The following MAPK14 variants were observed in gnomAD, a reference collection of about 807,000 sequenced individuals.
MAPK14 encodes the protein mitogen-activated protein kinase 14, also known as CSAID-binding protein.
In MAPK14, 16 loss-of-function variants were observed where a neutral mutation model predicts 49.6. The ratio of observed to expected loss-of-function variants is 0.32; its 90% confidence interval spans 0.22 to 0.49. MAPK14 has a LOEUF of 0.49. MAPK14 is among the 20% of genes least tolerant of loss of function. The pLI is 0.99. For synonymous variants in MAPK14, 142 were observed against 158.0 expected, an observed-to-expected ratio of 0.90 and a Z score of 0.76; for missense variants, 200 against 441.2, an observed-to-expected ratio of 0.45 and a Z score of 4.90.
At chr6:36,071,528 G>C (rs1764273214) in intron 3 of MAPK14, among the ~76,000 whole-genome samples, 1 of 152,150 alleles carries the variant, frequency 6.6e-6, no homozygotes, top group African/African-American at 2.4e-5. Flanking sequence ...CCTGTGAGGA[G>C]AAATTCTGGA....
chr6:36,054,687 C>T (rs1763527588), intron 2 of MAPK14, among the ~76,000 whole-genome samples: 1 of 152,178 alleles, frequency 6.6e-6, no homozygotes, highest in Admixed American at 6.5e-5. Context: ...ATTTTGAAAA[C>T]ATTTGTTAGG....
intron 8 of MAPK14, among the ~76,000 whole-genome samples, chr6:36,079,928 T>C (rs963922523): frequency 2.6e-5 from 4 of 152,054 alleles, no homozygotes; most frequent in African/African-American, 9.7e-5. Flanking sequence ...TAAATGTATT[T>C]AACATAAAAT....
chr6:36,117,195 A>G, the MAPK14 span, among the ~76,000 whole-genome samples: 13 of 152,252 alleles, frequency 8.5e-5, no homozygotes, highest in Middle Eastern at 6.8e-3. Flanking sequence ...TCTGGGATAG[A>G]AATGCACCTC....
At chr6:36,061,120 G>T (rs1057136774) in intron 3 of MAPK14, among the ~76,000 whole-genome samples, 2 of 152,198 alleles carry the variant, frequency 1.3e-5, no homozygotes, top group African/African-American at 4.8e-5. Context: ...TTTCCTAAAT[G>T]TAGAAGAAAT....
chr6:36,034,446 T>C (rs1762658943), intron 1 of MAPK14, among the ~76,000 whole-genome samples: 1 of 152,162 alleles, frequency 6.6e-6, no homozygotes, highest in Non-Finnish European at 1.5e-5. Context: ...CCTTTGAAAA[T>C]ACATTAGATT....
chr6:36,049,600 T>C (rs1234146136), intron 1 of MAPK14, among the ~76,000 whole-genome samples: 2 of 152,232 alleles, frequency 1.3e-5, no homozygotes, highest in Non-Finnish European at 2.9e-5. Context: ...GCTGCTGATC[T>C]GGGAACCTCT....
chr6:36,113,813 A>T (rs1465397146), downstream of MAPK14, among the ~76,000 whole-genome samples: 3 of 152,136 alleles, frequency 2.0e-5, no homozygotes, highest in African/African-American at 7.2e-5. Context: ...CCATTCTCAA[A>T]TTTCAGTTTT....
chr6:36,058,449 A>G (rs1047693107), intron 2 of MAPK14, among the ~76,000 whole-genome samples: 2 of 152,222 alleles, frequency 1.3e-5, no homozygotes, highest in Non-Finnish European at 2.9e-5. Flanking sequence ...TAAAGAGATG[A>G]AGATTTTTAA....
At chr6:36,115,231 A>G (rs548728808), downstream of MAPK14, among the ~76,000 whole-genome samples, 1 of 29,060 alleles carries the variant, frequency 3.4e-5, no homozygotes, top group African/African-American at 4.0e-4. Flanking sequence ...GTTTGCAACT[A>G]AAAATAGAAA....
intron 1 of MAPK14, chr6:36,029,246 T>G (rs899943726): frequency 3.9e-5 from 6 of 152,182 alleles, no homozygotes; most frequent in Non-Finnish European, 8.8e-5. Context: ...TATCTAGTTA[T>G]CTGCATTTAT....
At chr6:36,035,802 G>C (rs1762725672) in intron 1 of MAPK14, among the ~76,000 whole-genome samples, 1 of 152,200 alleles carries the variant, frequency 6.6e-6, no homozygotes, top group Non-Finnish European at 1.5e-5. Flanking sequence ...CTAATCTAGA[G>C]CAAAGCCCTA....
intron 8 of MAPK14, among the ~76,000 whole-genome samples, chr6:36,089,593 A>C (rs1256435289): frequency 6.6e-6 from 1 of 152,332 alleles, no homozygotes; most frequent in South Asian, 2.1e-4. Context: ...AAAGCCAATA[A>C]TGTGTTATCA....
downstream of MAPK14, among the ~76,000 whole-genome samples, chr6:36,114,079 G>T (rs1322150813): frequency 6.6e-6 from 1 of 152,232 alleles, no homozygotes; most frequent in Non-Finnish European, 1.5e-5. Flanking sequence ...CCTGTGCAGT[G>T]TAGGGTGTTA....
chr6:36,105,586 A>ATG (rs1413059178), intron 10 of MAPK14, among the ~76,000 whole-genome samples: 3 of 152,202 alleles, frequency 2.0e-5, no homozygotes, highest in African/African-American at 7.2e-5. Context: ...ATATATATAT[A>ATG]TAATCCAGGC....
At chr6:36,073,916 G>T in intron 5 of MAPK14, 133 bp from the exon 6 acceptor site, 1 of 868,032 alleles carries the variant, frequency 1.2e-6, no homozygotes, top group South Asian at 1.5e-5. Context: ...ACTGGATATT[G>T]ACTGTAGGAT....
intron 8 of MAPK14, among the ~76,000 whole-genome samples, chr6:36,085,388 A>C (rs1246843238): frequency 6.6e-6 from 1 of 152,190 alleles, no homozygotes; most frequent in African/African-American, 2.4e-5. Context: ...TGGATAAAGA[A>C]TCACGACCCA....
At chr6:36,032,048 C>T (rs1022639687) in intron 1 of MAPK14, among the ~76,000 whole-genome samples, 3 of 152,104 alleles carry the variant, frequency 2.0e-5, no homozygotes, top group South Asian at 2.1e-4. Flanking sequence ...TCCCGAAGTG[C>T]TGGGATTATA....
chr6:36,111,656 A>C (rs1324988108), downstream of MAPK14, among the ~76,000 whole-genome samples: 1 of 152,070 alleles, frequency 6.6e-6, no homozygotes, highest in Non-Finnish European at 1.5e-5. Flanking sequence ...CTGAGTTCTC[A>C]GGGACTTTGC....
intron 8 of MAPK14, among the ~76,000 whole-genome samples, chr6:36,078,909 C>T (rs533710174): frequency 1.3e-5 from 2 of 152,298 alleles, no homozygotes; most frequent in Non-Finnish European, 1.5e-5. Flanking sequence ...TGGTTCTTAA[C>T]CCTCATAGTG....
Sources: allele counts gnomAD v4.1 joint callset (sites outside exome capture counted in the v4.1 genomes callset), GRCh38; gene constraint gnomAD v4.1.1; transcripts MANE v1.5; gene names NCBI Gene and HGNC (gene_info 2026-07-23, HGNC 2026-07-21).